SCN3A: variants seen among roughly 807,000 people sequenced by gnomAD.
SCN3A encodes sodium channel protein type 3 subunit alpha.
A neutral mutation model predicts 187.6 loss-of-function variants in SCN3A; 60 were observed. The observed-to-expected ratio is 0.32, with a 90% confidence interval of 0.26 to 0.40. SCN3A has a LOEUF of 0.40. Ranked by LOEUF, SCN3A falls within the 10% of genes least tolerant of loss-of-function variation. SCN3A has a pLI of 1.00. For synonymous variants in SCN3A, 788 were observed against 829.2 expected, an observed-to-expected ratio of 0.95 and a Z score of 0.85; for missense variants, 1,601 against 2,428.2, an observed-to-expected ratio of 0.66 and a Z score of 7.16.
intron 5 of SCN3A, among the ~76,000 whole-genome samples, chr2:165,165,962 G>A (rs1302354701): frequency 6.6e-6 from 1 of 152,128 alleles, no homozygotes; most frequent in Non-Finnish European, 1.5e-5. Context: ...ACAATATCAA[G>A]CTTATGTTTA....
In SCN3A at chr2:165,089,219, G is replaced by T. The variant is rs944972824; in HGVS notation, c.*931C>A. The stretch of plus-strand genomic sequence containing the variant: ...ATATTTGCCCAAACATGCACCACAG[G>T]ATAAAATAACTATTTACATAACATA... On this transcript the variant is annotated 3_prime_UTR_variant, in exon 28 of 28. Transcript: ENST00000283254. 1.3e-5 allele frequency: 2 copies of T among 152,514 alleles called. No homozygotes were observed. The highest frequency in any genetic ancestry group is 4.8e-5 in the African/African-American group (2 of 41,418). The allele number at this position is 152,514 out of a possible 1,614,324, so 9.4% of individuals were successfully genotyped here.
intron 21 of SCN3A, among the ~76,000 whole-genome samples, chr2:165,111,437 G>A (rs1686108737): frequency 6.6e-6 from 1 of 151,654 alleles, no homozygotes; most frequent in African/African-American, 2.4e-5. Context: ...CAGAGAAGGT[G>A]GAGATTTTAA....
intron 9 of SCN3A, among the ~76,000 whole-genome samples, chr2:165,161,784 T>G (rs1689413793): frequency 6.6e-6 from 1 of 152,224 alleles, no homozygotes; most frequent in South Asian, 2.1e-4. Context: ...CAACTGATAC[T>G]TGGACATGCC....
chr2:165,158,992 CTA>C (rs962097365), intron 9 of SCN3A, among the ~76,000 whole-genome samples: 1 of 137,712 alleles, frequency 7.3e-6, no homozygotes, highest in Non-Finnish European at 1.5e-5. Flanking sequence ...TATGGTAAGA[CTA>C]TGTTTATTTT....
At chr2:165,153,183 G>A (rs1421616046) in intron 11 of SCN3A, among the ~76,000 whole-genome samples, 1 of 152,042 alleles carries the variant, frequency 6.6e-6, no homozygotes, top group East Asian at 1.9e-4. Context: ...AAAGTTCAAA[G>A]GCAATGCAGT....
chr2:165,141,386 C>A (rs1688006925), intron 12 of SCN3A, among the ~76,000 whole-genome samples: 1 of 152,274 alleles, frequency 6.6e-6, no homozygotes, highest in Non-Finnish European at 1.5e-5. Context: ...ATGCTATAAT[C>A]TGAAGGGAAT....
intron 15 of SCN3A, among the ~76,000 whole-genome samples, chr2:165,134,413 A>G (rs780577574): frequency 2.0e-5 from 3 of 152,182 alleles, no homozygotes; most frequent in Admixed American, 2.0e-4. Flanking sequence ...TTCTGTCAAA[A>G]TAACAGTATA....
At chr2:165,188,616 C>T (rs1331432084) in intron 1 of SCN3A, among the ~76,000 whole-genome samples, 2 of 151,662 alleles carry the variant, frequency 1.3e-5, no homozygotes, top group Non-Finnish European at 2.9e-5. Context: ...GGTGAAACCC[C>T]GTCTCTACTA....
chr2:165,182,591 T>C (rs1392828763), intron 2 of SCN3A, among the ~76,000 whole-genome samples: 1 of 152,110 alleles, frequency 6.6e-6, no homozygotes, highest in Non-Finnish European at 1.5e-5. Flanking sequence ...ACTGACTTGA[T>C]AGGAGATGTG....
intron 15 of SCN3A, among the ~76,000 whole-genome samples, chr2:165,132,653 A>T (rs560551629): frequency 5.1e-4 from 77 of 152,252 alleles, no homozygotes; most frequent in African/African-American, 1.6e-3. Context: ...AAGACTTAAA[A>T]GTTAGACCTA....
intron 1 of SCN3A, among the ~76,000 whole-genome samples, chr2:165,189,211 A>T (rs1200260692): frequency 1.3e-5 from 2 of 152,214 alleles, no homozygotes; most frequent in Non-Finnish European, 2.9e-5. Context: ...AATTTTGTTT[A>T]GGATATAGTA....
At chr2:165,154,348 A>G in intron 11 of SCN3A, 104 bp downstream of exon 11, 2 of 1,253,766 alleles carry the variant, frequency 1.6e-6, no homozygotes, top group Non-Finnish European at 2.2e-6. Flanking sequence ...ATGCCTATAT[A>G]TAAAATGAAA....
At chr2:165,184,738 C>T (rs1208093949) in intron 2 of SCN3A, among the ~76,000 whole-genome samples, 1 of 152,116 alleles carries the variant, frequency 6.6e-6, no homozygotes, top group African/African-American at 2.4e-5. Context: ...CCCACGTCTA[C>T]TTTCACATGT....
intron 11 of SCN3A, among the ~76,000 whole-genome samples, chr2:165,148,031 A>C (rs1201911186): frequency 1.3e-5 from 2 of 152,164 alleles, no homozygotes; most frequent in Non-Finnish European, 2.9e-5. Flanking sequence ...CACTAAATAC[A>C]AACAAATCTA....
intron 19 of SCN3A, 106 bp downstream of exon 19, chr2:165,115,349 A>C: frequency 1.3e-6 from 2 of 1,485,872 alleles, no homozygotes; most frequent in Non-Finnish European, 1.9e-6. Flanking sequence ...TTACAGGCAT[A>C]AGCCACCACA....
At chr2:165,146,191 T>C (rs1414879816) in intron 12 of SCN3A, among the ~76,000 whole-genome samples, 1 of 152,010 alleles carries the variant, frequency 6.6e-6, no homozygotes, top group Non-Finnish European at 1.5e-5. Context: ...AATCAAAGGA[T>C]AAAGACAAAA....
chr2:165,117,943 T>C (rs529302990), intron 18 of SCN3A, among the ~76,000 whole-genome samples: 1 of 152,342 alleles, frequency 6.6e-6, no homozygotes, highest in South Asian at 2.1e-4. Flanking sequence ...CTTCCATGTA[T>C]TCTGCAGGTG....
chr2:165,132,441 C>A (rs968644839), intron 15 of SCN3A, among the ~76,000 whole-genome samples: 2 of 152,118 alleles, frequency 1.3e-5, no homozygotes, highest in Admixed American at 6.5e-5. Context: ...AGATATAGAT[C>A]AATGGAACAG....
intron 26 of SCN3A, chr2:165,094,135 T>A (rs1190565834): frequency 1.9e-6 from 1 of 520,952 alleles, no homozygotes; most frequent in Non-Finnish European, 3.4e-6. Context: ...AAGTATTTAT[T>A]AGGAACCCTG....
Sources: allele counts gnomAD v4.1 joint callset (sites outside exome capture counted in the v4.1 genomes callset), GRCh38; gene constraint gnomAD v4.1.1; transcripts MANE v1.5; gene names NCBI Gene and HGNC (gene_info 2026-07-23, HGNC 2026-07-21).